Variants in STING1 observed in about 807,000 individuals in gnomAD.
STING1 encodes the protein stimulator of interferon response cGAMP interactor 1, also known as stimulator of interferon genes protein.
In STING1, 19 loss-of-function variants were observed where a neutral mutation model predicts 31.6. The observed-to-expected ratio is 0.60, with a 90% CI of 0.42 to 0.88. The LOEUF is 0.88. STING1 is among the 40% of genes least tolerant of loss of function. The pLI is 0.00. For missense variants in STING1, 371 were observed against 483.7 expected (o/e 0.77, Z 2.19); for synonymous variants, 200 against 208.6 (o/e 0.96, Z 0.35).
chr5:139,476,351 C>T lies in STING1; in HGVS notation c.1050G>A (p.Ala350=), dbSNP rs775704067. ...GGGACATCGTGGAGGTACTGGGCAC[C>T]GCTGAGGTCTTCAAGCTGCCCACAG... ...EVTVGSLKTS[A]VPSTSTMSQE... Residue 350 remains alanine (A), a synonymous_variant, in exon 8 of 8, where the codon GCG becomes GCA. Coordinates refer to ENST00000330794, the MANE Select transcript of STING1 (RefSeq NM_198282.4). The T allele has an allele frequency of 1.2e-5, 20 of 1,612,608 alleles. No homozygotes were observed. Among genetic ancestry groups the T allele is most frequent in the Non-Finnish European group, 1.4e-5 (16 of 1,179,930 alleles).
intron 5 of STING1, among the ~76,000 whole-genome samples, chr5:139,480,003 C>CAA (rs552338116): frequency 4.7e-4 from 42 of 88,988 alleles, no homozygotes; most frequent in African/African-American, 9.3e-4. Flanking sequence ...GACTTTGTCT[C>CAA]AAAAAAAAAA....
rs573258185 is a variant in STING1, at chr5:139,477,304, A to T, written c.946+25T>A. On this transcript the variant is annotated intron_variant, in intron 7 of 7. Transcript: ENST00000330794. ...ACTCCTCCTGCCCTCCAGCCTATCA[A>T]CCCCTCACCCTACCAACCCCTCACC... 8.6e-5 allele frequency: 139 copies of T among 1,609,450 alleles called. No individual in the cohort carries two copies. In the South Asian group the frequency reaches 1.4e-3, roughly 16 times the overall value.
intron 5 of STING1, among the ~76,000 whole-genome samples, chr5:139,479,848 CAAAAAAAAAAAAAA>C (rs1168023127): frequency 5.7e-5 from 2 of 34,916 alleles, no homozygotes; most frequent in Admixed American, 1.1e-3. Context: ...ACTAAAAATA[CAAAAAAAAAAAAAA>C]AAAAAAAAAA....
At chr5:139,477,764 C>T (rs192224291) in intron 6 of STING1, among the ~76,000 whole-genome samples, 70 of 152,280 alleles carry the variant, frequency 4.6e-4, no homozygotes, top group African/African-American at 1.6e-3. Context: ...ATCCTTCTTC[C>T]AAGATCCTAG....
In STING1 at chr5:139,481,311, C is replaced by A. The variant is rs1306838010; in HGVS notation, c.259G>T (p.Ala87Ser). The change falls in exon 4 of 8, where the codon GCC (alanine) becomes TCC (serine). Residue 87 changes from alanine (A) to serine (S), a missense_variant. Physicochemically the swap from Ala to Ser is moderately conservative, Grantham distance 99 (BLOSUM62 1). Transcript: ENST00000330794. The surrounding 1 kb of genome is among the most constrained non-coding windows in gnomAD (Gnocchi z 4.1). ...YRGSYWRTVR[A>S]CLGCPLRRGA... ...CGGCGGAGGGGGCAGCCCAGGCAGG[C>A]CCGCACAGTCCTCCAGTAGCTGCCC... 1 of 1,605,358 alleles carries A rather than the reference C, an allele frequency of 6.2e-7. No individual in the cohort carries two copies.
chr5:139,480,269 T>G (rs1363490962), intron 5 of STING1, among the ~76,000 whole-genome samples: 1 of 151,952 alleles, frequency 6.6e-6, no homozygotes, highest in East Asian at 1.9e-4. Context: ...TTGAAAGAAT[T>G]TACAGCTGGG....
At chr5:139,479,957 T>C (rs1437103140) in intron 5 of STING1, among the ~76,000 whole-genome samples, 2 of 146,866 alleles carry the variant, frequency 1.4e-5, no homozygotes, top group Admixed American at 6.9e-5. Context: ...TGAGCTGAGA[T>C]TGTGCTACTG....
At chr5:139,480,928 CTCCATCAAGG>C (rs1279435792) in intron 4 of STING1, 30 bp from the exon 5 acceptor site, 4 of 1,552,600 alleles carry the variant, frequency 2.6e-6, no homozygotes, top group Middle Eastern at 1.8e-4. Flanking sequence ...GCTGGGGGGC[CTCCATCAAGG>C]ACACCCAGAG....
At position 139,476,076 on chromosome 5, in the gene STING1, G is replaced by T. The variant is rs1025277542; in HGVS notation, c.*185C>A. 1.4e-5 allele frequency: 8 copies of T among 564,216 alleles called. No individual in the cohort carries two copies. Among genetic ancestry groups the T allele is most frequent in the Admixed American group, 3.0e-5 (1 of 33,346 alleles). The allele number at this position is 564,216 out of a possible 1,614,324, so 35.0% of individuals were successfully genotyped here. ...CATTTCACAGGTTGAAGACACCGAG[G>T]CTCAGAGAGGGGAAATGACTGGCCC... is the stretch of plus-strand genomic sequence containing the variant. On this transcript the variant is annotated 3_prime_UTR_variant, in exon 8 of 8. Coordinates refer to ENST00000330794, the MANE Select transcript of STING1 (RefSeq NM_198282.4).
chr5:139,476,277 C>A lies in STING1; in HGVS notation c.1124G>T (p.Arg375Leu), dbSNP rs117897081. Residue 375 changes from arginine to leucine, a missense_variant, in exon 8 of 8, where the codon CGC becomes CTC. Coordinates refer to ENST00000330794, the MANE Select transcript of STING1 (RefSeq NM_198282.4). ...ISGMEKPLPLRTDFS is the reference protein window; with the variant it reads ...ISGMEKPLPLLTDFS ...CCCTGGGTCTCAAGAGAAATCCGTGCGGAGAGGGAGGGGCTTTTCCATTCC... is the reference window on the plus strand; with the variant it reads ...CCCTGGGTCTCAAGAGAAATCCGTGAGGAGAGGGAGGGGCTTTTCCATTCC... The A allele has an allele frequency of 3.6e-4, 572 of 1,588,738 alleles. 5 individuals are homozygous for A. In the East Asian group the frequency reaches 0.011, roughly 31 times the overall value.
At chr5:139,478,685 C>T in intron 5 of STING1, 177 bp from the exon 6 acceptor site, 1 of 624,928 alleles carries the variant, frequency 1.6e-6, no homozygotes, top group Non-Finnish European at 2.9e-6. Flanking sequence ...CCTCCCCACC[C>T]CTCCTCTTAC....
chr5:139,478,590 C>T, intron 5 of STING1, 82 bp from the exon 6 acceptor site: 1 of 1,237,514 alleles, frequency 8.1e-7, no homozygotes, highest in Non-Finnish European at 1.2e-6. Context: ...GTCATTGGCC[C>T]CCGCAGTGTG....
In STING1 at chr5:139,481,371, C is replaced by A; in HGVS notation, c.228-29G>T. On this transcript the variant is annotated intron_variant, in intron 3 of 7. Coordinates refer to ENST00000330794, the MANE Select transcript of STING1 (RefSeq NM_198282.4). The surrounding 1 kb of genome is among the most constrained non-coding windows in gnomAD (Gnocchi z 4.1). ...TGAGTGACAGCCAGACCCCAGACCC[C>A]AGCCCCCAGCCCAGCTCAGCCAGAG... 1 of 1,578,428 alleles carries A rather than the reference C, an allele frequency of 6.3e-7. No homozygotes were observed. The highest frequency in any genetic ancestry group is 2.2e-5 in the East Asian group (1 of 44,604).
At position 139,481,125 on chromosome 5, in the gene STING1, T is replaced by C. The variant is rs1258902688; in HGVS notation, c.411+34A>G. On this transcript the variant is annotated intron_variant, in intron 4 of 7. Transcript: ENST00000330794. This position sits in a 1 kb window ranked among gnomAD's most constrained non-coding sequence, Gnocchi z 4.1. ...AGGTCACACCAGCCACAGCCACCAC[T>C]TGGCCAGAGCTTCTACCTCCCCCTG... 23 of 1,610,566 alleles carry C rather than the reference T, an allele frequency of 1.4e-5. No homozygotes were observed. In the East Asian group the frequency reaches 5.1e-4, roughly 36 times the overall value.
At chr5:139,476,487 G>A (rs763275169) in intron 7 of STING1, 33 bp from the exon 8 acceptor site, 23 of 1,596,590 alleles carry the variant, frequency 1.4e-5, no homozygotes, top group Middle Eastern at 4.5e-4. Context: ...AGAGTAATGA[G>A]GATCTTACCC....
rs1034117311 is a variant in STING1 at position 139,476,115 on chromosome 5, G to A, written c.*146C>T. On this transcript the variant is annotated 3_prime_UTR_variant, in exon 8 of 8. Coordinates refer to ENST00000330794, the MANE Select transcript of STING1 (RefSeq NM_198282.4). The stretch of plus-strand genomic sequence containing the variant: ...AATGACTGGCCCAAGGGGACAAGAC[G>A]CATCTTAAGATGTCAAGTCCTGGAC... 3 of 624,166 alleles carry A rather than the reference G, an allele frequency of 4.8e-6. No homozygotes were observed. Among genetic ancestry groups the A allele is most frequent in the South Asian group, 4.4e-5 (2 of 45,354 alleles). 38.7% of individuals were successfully genotyped at this position (624,166 alleles called of 1,614,324 possible). A position where few individuals can be genotyped will look rare whatever the true frequency, so the allele number is the denominator to read the frequency against.
At chr5:139,480,493 C>T (rs192657255) in intron 5 of STING1, among the ~76,000 whole-genome samples, 3 of 151,960 alleles carry the variant, frequency 2.0e-5, no homozygotes, top group East Asian at 3.9e-4. Context: ...TTGCAGTAGC[C>T]GAGATGGTAC....
intron 5 of STING1, 83 bp from the exon 6 acceptor site, chr5:139,478,591 C>A: frequency 8.2e-7 from 1 of 1,224,102 alleles, no homozygotes; most frequent in Non-Finnish European, 1.2e-6. Flanking sequence ...TCATTGGCCC[C>A]CGCAGTGTGT....
intron 7 of STING1, 30 bp from the exon 8 acceptor site, chr5:139,476,484 T>C: frequency 6.2e-7 from 1 of 1,602,640 alleles, no homozygotes; most frequent in South Asian, 1.1e-5. Flanking sequence ...GAGAGAGTAA[T>C]GAGGATCTTA....
Sources: allele counts gnomAD v4.1 joint callset (sites outside exome capture counted in the v4.1 genomes callset), GRCh38; gene constraint gnomAD v4.1.1; non-coding constraint Gnocchi (gnomAD v3.1); transcripts MANE v1.5; gene names NCBI Gene and HGNC (gene_info 2026-07-23, HGNC 2026-07-21).